Variants in NUDT7 observed in about 807,000 individuals in gnomAD.
NUDT7 encodes the protein peroxisomal coenzyme A diphosphatase NUDT7.
A neutral mutation model predicts 13.1 loss-of-function variants in NUDT7; 19 were observed. That is an observed-to-expected ratio of 1.45 (90% CI 1.01 to 2.13). The LOEUF is 2.13. Ranked by LOEUF, NUDT7 falls within the 30% of genes most tolerant of loss-of-function variation. NUDT7 has a pLI of 0.00. For missense variants in NUDT7, 360 were observed against 291.7 expected (o/e 1.23, Z -1.71); for synonymous variants, 132 against 109.7 (o/e 1.20, Z -1.27).
At chr16:77,734,737 C>T (rs536958930) in intron 2 of NUDT7, among the ~76,000 whole-genome samples, 6 of 152,162 alleles carry the variant, frequency 3.9e-5, no homozygotes, top group Admixed American at 1.3e-4. Flanking sequence ...AGTACCAATA[C>T]ACGTAGAACA....
intron 3 of NUDT7, among the ~76,000 whole-genome samples, chr16:77,737,024 A>C (rs192518801): frequency 6.6e-6 from 1 of 151,084 alleles, no homozygotes; most frequent in Admixed American, 6.6e-5. Context: ...ACTAGACCAT[A>C]GGAAACTAGA....
chr16:77,739,172 G>C (rs2014580753), intron 3 of NUDT7, among the ~76,000 whole-genome samples: 1 of 152,176 alleles, frequency 6.6e-6, no homozygotes, highest in African/African-American at 2.4e-5. Flanking sequence ...CCTAAGAGAG[G>C]GTTCTAGGAT....
intron 3 of NUDT7, among the ~76,000 whole-genome samples, chr16:77,738,682 C>A (rs945783629): frequency 6.6e-6 from 1 of 152,150 alleles, no homozygotes; most frequent in African/African-American, 2.4e-5. Context: ...TCAAGCAATT[C>A]TCCTGCCTCA....
intron 1 of NUDT7, among the ~76,000 whole-genome samples, chr16:77,723,896 A>G (rs1000761487): frequency 3.9e-5 from 6 of 152,076 alleles, no homozygotes; most frequent in East Asian, 1.9e-4. Context: ...CAGGCCTCCT[A>G]TATACATTTG....
chr16:77,735,712 CACCTGGGT>C, intron 2 of NUDT7, 108 bp from the exon 3 acceptor site: 2 of 937,396 alleles, frequency 2.1e-6, no homozygotes, highest in Non-Finnish European at 1.6e-6. Flanking sequence ...TTGATACCAC[CACCTGGGT>C]AAGAATGGTC....
intron 2 of NUDT7, among the ~76,000 whole-genome samples, chr16:77,729,651 C>T (rs1425183417): frequency 4.6e-5 from 7 of 152,018 alleles, no homozygotes; most frequent in Non-Finnish European, 8.8e-5. Context: ...CATGGTGAAA[C>T]CCCATCTCTA....
rs1238250196 is a variant in NUDT7 at position 77,741,606 on chromosome 16, G to C, written c.373G>C (p.Val125Leu). The part of the protein sequence containing the change: ...IDTDTLITPF[V>L]GLIDHNFQAQ... ...GACAGATACATTGATAACTCCATTT[G>C]TGGGTTTAATAGACCACAACTTCCA... Residue 125 changes from valine to leucine, a missense_variant, in exon 4 of 4, where the codon GTG (valine) becomes CTG (leucine). By Grantham distance (32) the Val-to-Leu change is conservative. Coordinates refer to ENST00000268533, the MANE Select transcript of NUDT7 (RefSeq NM_001105663.3). 1.2e-6 allele frequency: 2 copies of C among 1,610,306 alleles called. No homozygotes were observed. The highest frequency in any genetic ancestry group is 2.7e-5 in the African/African-American group (2 of 74,790).
chr16:77,727,513 C>T (rs1370813485), intron 2 of NUDT7, among the ~76,000 whole-genome samples: 1 of 152,184 alleles, frequency 6.6e-6, no homozygotes, highest in Non-Finnish European at 1.5e-5. Flanking sequence ...TGTCTGTTCC[C>T]ACCTCTGCCA....
chr16:77,723,592 C>CCTTTT (rs2014033370), intron 1 of NUDT7, among the ~76,000 whole-genome samples: 2 of 125,702 alleles, frequency 1.6e-5, no homozygotes, highest in Admixed American at 8.3e-5. Context: ...TTTGTATACA[C>CCTTTT]TTTTTTTTTT....
At position 77,741,797 on chromosome 16, in the gene NUDT7, C is replaced by A. The variant is rs2014673797; in HGVS notation, c.564C>A (p.Ile188=). ...CTGAAGACGGTGTCACTTACCAGAT[C>A]AAGGGAATGACGGCAAACCTTGCAG... ...TNPEDGVTYQ[I]KGMTANLAVL... Residue 188 remains isoleucine (I), a synonymous_variant, in exon 4 of 4, where the codon ATC becomes ATA. Transcript: ENST00000268533. 6.2e-7 allele frequency: 1 copy of A among 1,614,120 alleles called. No individual in the cohort carries two copies. Among genetic ancestry groups the A allele is most frequent in the East Asian group, 2.2e-5 (1 of 44,866 alleles).
intron 3 of NUDT7, among the ~76,000 whole-genome samples, chr16:77,738,962 G>T (rs560878399): frequency 2.0e-5 from 3 of 152,328 alleles, no homozygotes; most frequent in Non-Finnish European, 4.4e-5. Context: ...GCTTCTTCGC[G>T]ATCAGATTGT....
At chr16:77,727,855 T>A (rs932378435) in intron 2 of NUDT7, among the ~76,000 whole-genome samples, 5 of 148,064 alleles carry the variant, frequency 3.4e-5, no homozygotes, top group Non-Finnish European at 7.4e-5. Context: ...AGACTCCATC[T>A]CAATAATGAA....
chr16:77,728,389 C>G (rs774340322), intron 2 of NUDT7, among the ~76,000 whole-genome samples: 1 of 152,102 alleles, frequency 6.6e-6, no homozygotes, highest in Non-Finnish European at 1.5e-5. Context: ...CACGCCACCA[C>G]GCCTGGCTAA....
intron 2 of NUDT7, among the ~76,000 whole-genome samples, chr16:77,729,915 C>G (rs779666252): frequency 2.0e-5 from 3 of 151,348 alleles, no homozygotes; most frequent in Non-Finnish European, 2.9e-5. Flanking sequence ...TATATATTCA[C>G]TATGGAATGA....
chr16:77,726,930 C>T (rs2014155645), intron 2 of NUDT7, among the ~76,000 whole-genome samples: 1 of 147,864 alleles, frequency 6.8e-6, no homozygotes, highest in South Asian at 2.2e-4. Flanking sequence ...CTGGAAAGGC[C>T]TCAGGGAGTG....
rs2014100054 is a variant in NUDT7, at chr16:77,725,441, C to T, written c.46C>T (p.Leu16=). 2 of 1,609,246 alleles carry T rather than the reference C, an allele frequency of 1.2e-6. No individual in the cohort carries two copies. Among genetic ancestry groups the T allele is most frequent in the Non-Finnish European group, 1.7e-6 (2 of 1,177,560 alleles). The change falls in exon 2 of 4, where the codon CTA becomes TTA. Residue 16 remains leucine, a synonymous_variant. Transcript: ENST00000268533. ...TTGTTTTTATTTTAGAAACAGTTTG[C>T]TAGATGATGCTAAGGCCCGCTTAAG... ...LPEEPVRNSL[L]DDAKARLRKY...
chr16:77,729,829 A>C lies in NUDT7; in HGVS notation c.189+4245A>C, dbSNP rs180908518. On this transcript the variant is annotated intron_variant, in intron 2 of 3. Coordinates refer to ENST00000268533, the MANE Select transcript of NUDT7 (RefSeq NM_001105663.3). ...AACAGAGCGAGACTCTATCTCAATA[A>C]ATAAATAAATAAATAAATTTTAAAT... Among the ~76,000 whole-genome samples, 240 of 150,170 alleles carry C rather than the reference A, an allele frequency of 1.6e-3. 1 individual carries two copies. The highest frequency in any genetic ancestry group is 1.6e-3 in the Non-Finnish European group (105 of 67,550).
intron 2 of NUDT7, among the ~76,000 whole-genome samples, chr16:77,727,922 T>A (rs1386109782): frequency 6.6e-6 from 1 of 152,098 alleles, no homozygotes; most frequent in African/African-American, 2.4e-5. Flanking sequence ...AACAATAATA[T>A]AGGAAATCTA....
At chr16:77,722,907 A>G (rs1440830118) in intron 1 of NUDT7, among the ~76,000 whole-genome samples, 1 of 152,084 alleles carries the variant, frequency 6.6e-6, no homozygotes, top group Non-Finnish European at 1.5e-5. Flanking sequence ...GTTGGACCCC[A>G]GGACCCCCGA....
Sources: allele counts gnomAD v4.1 joint callset (sites outside exome capture counted in the v4.1 genomes callset), GRCh38; gene constraint gnomAD v4.1.1; transcripts MANE v1.5; gene names NCBI Gene and HGNC (gene_info 2026-07-23, HGNC 2026-07-21).